The following KCNN4 variants were observed in gnomAD, a reference collection of about 807,000 sequenced individuals.
KCNN4 encodes potassium calcium-activated channel subfamily N member 4.
Under a neutral mutation model 45.2 loss-of-function variants are expected in KCNN4, and 31 were observed. The ratio of observed to expected loss-of-function variants is 0.69; its 90% CI spans 0.52 to 0.92. The LOEUF (loss-of-function observed/expected upper bound fraction) is 0.92, where lower values mean the gene tolerates loss of function less well. Ranked by LOEUF, KCNN4 falls within the 40% of genes least tolerant of loss-of-function variation. The pLI is 0.00. For missense variants in KCNN4, 463 were observed against 574.0 expected (o/e 0.81, Z 1.98); for synonymous variants, 231 against 254.6 (o/e 0.91, Z 0.88).
rs748616913 is a variant in KCNN4, at chr19:43,777,320, TGTGTGG to T, written c.160-690_160-685del. 3.2e-3 allele frequency among the ~76,000 whole-genome samples: 484 copies of T among 149,250 alleles called. 5 individuals are homozygous for T. The highest frequency in any genetic ancestry group is 0.014 in the Middle Eastern group (4 of 294). Reference sequence around the variant, plus strand: ...TCAGGTGTGTGTGTGTGTGTGTGTGTGTGTGGGTGTGTGTGTGTGGTGTCTAGAAAA... The same window carrying T: ...TCAGGTGTGTGTGTGTGTGTGTGTGTGTGTGTGTGTGTGGTGTCTAGAAAA... On this transcript the variant is annotated intron_variant, in intron 1 of 8. Transcript: ENST00000648319.
Position 43,769,129 on chromosome 19 carries a change from A to C in KCNN4, c.1050-97T>G. The C allele has an allele frequency of 7.4e-7, 1 of 1,349,800 alleles. No individual in the cohort carries two copies. The highest frequency in any genetic ancestry group is 1.1e-6 in the Non-Finnish European group (1 of 941,318). The allele number at this position is 1,349,800 out of a possible 1,614,324, so 83.6% of individuals were successfully genotyped here. On this transcript the variant is annotated intron_variant, in intron 6 of 8. Transcript: ENST00000648319. This position sits in a 1 kb window ranked among gnomAD's most constrained non-coding sequence, Gnocchi z 4.4. ...GAAGGGAGGAGAGGCACATGAAGAA[A>C]CAAAACAAAGAAACAAAGTTGTCGA...
Position 43,780,962 on chromosome 19 carries a change from T to C in KCNN4, c.-101A>G. The C allele has an allele frequency of 1.7e-6, 2 of 1,188,724 alleles. No homozygotes were observed. Among genetic ancestry groups the C allele is most frequent in the Admixed American group, 3.8e-5 (2 of 52,352 alleles). The allele number at this position is 1,188,724 out of a possible 1,614,324, so 73.6% of individuals were successfully genotyped here. A position where few individuals can be genotyped will look rare whatever the true frequency, so the allele number is the denominator to read the frequency against. On this transcript the variant is annotated 5_prime_UTR_variant, in exon 1 of 9. Coordinates refer to ENST00000648319, the MANE Select transcript of KCNN4 (RefSeq NM_002250.3). ...TGTGGCTTGCAGGTCGTCAGCCTGCTCTGCTGGCTCTGGGACTTTTGCTCT... is the reference window on the plus strand; with the variant it reads ...TGTGGCTTGCAGGTCGTCAGCCTGCCCTGCTGGCTCTGGGACTTTTGCTCT...
chr19:43,771,175 G>A (rs1969633431), intron 4 of KCNN4, among the ~76,000 whole-genome samples: 1 of 152,134 alleles, frequency 6.6e-6, no homozygotes, highest in South Asian at 2.1e-4. Context: ...GGTCTATGGA[G>A]GGAAGGAGGT....
Position 43,774,289 on chromosome 19 carries a change from C to G in KCNN4, c.586G>C (p.Ala196Pro), listed in dbSNP as rs766533642. 6.2e-7 allele frequency: 1 copy of G among 1,612,326 alleles called. No homozygotes were observed. Among genetic ancestry groups the G allele is most frequent in the Non-Finnish European group, 8.5e-7 (1 of 1,179,250 alleles). ...GGGTGCGTGTTCATGTAAAGCTTGGCCACGAACCAGTGGCGGAAGCGGACT... is the reference window on the plus strand; with the variant it reads ...GGGTGCGTGTTCATGTAAAGCTTGGGCACGAACCAGTGGCGGAAGCGGACT... ...NQVRFRHWFV[A>P]KLYMNTHPGR... The change falls in exon 3 of 9, where the codon GCC (alanine) becomes CCC (proline). Residue 196 changes from alanine to proline, a missense_variant. Physicochemically the swap from Ala to Pro is conservative, Grantham distance 27. Transcript: ENST00000648319. The surrounding 1 kb of genome is among the most constrained non-coding windows in gnomAD (Gnocchi z 5.6).
intron 2 of KCNN4, among the ~76,000 whole-genome samples, chr19:43,776,248 G>A (rs1189890693): frequency 6.6e-6 from 1 of 151,804 alleles, no homozygotes; most frequent in Non-Finnish European, 1.5e-5. Flanking sequence ...GAGTGCCTGG[G>A]AGCAGAGTGG....
intron 3 of KCNN4, among the ~76,000 whole-genome samples, chr19:43,773,634 G>A (rs531464994): frequency 6.6e-6 from 1 of 152,266 alleles, no homozygotes; most frequent in Admixed American, 6.5e-5. Flanking sequence ...TCCCAACCTC[G>A]TTTTTCTCTG....
intron 8 of KCNN4, 67 bp downstream of exon 8, chr19:43,767,473 C>T: frequency 2.6e-6 from 4 of 1,553,254 alleles, no homozygotes; most frequent in Non-Finnish European, 3.5e-6. Flanking sequence ...CCCTTAGCCA[C>T]ATAGGGTGCT....
At chr19:43,773,075 GA>G (rs1218762462) in intron 3 of KCNN4, among the ~76,000 whole-genome samples, 3 of 152,232 alleles carry the variant, frequency 2.0e-5, no homozygotes, top group African/African-American at 7.2e-5. Flanking sequence ...TAGGCAGGAG[GA>G]TCACTTGAAA....
intron 1 of KCNN4, among the ~76,000 whole-genome samples, chr19:43,777,085 A>C (rs1425034148): frequency 6.6e-5 from 10 of 152,228 alleles, no homozygotes. Flanking sequence ...CTCCGTCTCG[A>C]AACAAGCAAG....
chr19:43,770,004 C>T (rs1455576806), intron 4 of KCNN4, among the ~76,000 whole-genome samples, 175 bp from the exon 5 acceptor site: 2 of 152,116 alleles, frequency 1.3e-5, no homozygotes, highest in Non-Finnish European at 2.9e-5. Context: ...TCATAAATCG[C>T]ATACGTCCGA....
intron 7 of KCNN4, 48 bp downstream of exon 7, chr19:43,768,915 C>T (rs1340129865): frequency 3.1e-6 from 5 of 1,597,460 alleles, no homozygotes; most frequent in Non-Finnish European, 4.3e-6. Flanking sequence ...CTCCCTGTGG[C>T]CCCAACCTCC....
chr19:43,776,822 G>T, intron 1 of KCNN4, 186 bp from the exon 2 acceptor site: 1 of 591,940 alleles, frequency 1.7e-6, no homozygotes, highest in Non-Finnish European at 3.1e-6. Flanking sequence ...TCTGGGCCCA[G>T]TGCGGTGGCT....
In KCNN4 at chr19:43,774,457, G is replaced by T. The variant is rs1476113977; in HGVS notation, c.418C>A (p.Pro140Thr). The part of the protein sequence containing the change: ...DLGAPLTSPQ[P>T]WPGFLGQGEA... ...CCTTGGCCCAGGAATCCCGGCCAGG[G>T]CTGCGGGGAGGTCAGCGGCGCCCCT... The change falls in exon 3 of 9, where the codon CCC becomes ACC. Residue 140 changes from proline (P) to threonine (T), a missense_variant. By Grantham distance (38) the Pro-to-Thr change is conservative. Around this residue, in one of 3 missense-constraint regions of KCNN4, gnomAD observed 225 missense variants for 240.9 expected, o/e 0.93. Transcript: ENST00000648319. This position sits in a 1 kb window ranked among gnomAD's most constrained non-coding sequence, Gnocchi z 5.6. 3.8e-6 allele frequency: 6 copies of T among 1,595,042 alleles called. No individual in the cohort carries two copies. In the East Asian group the frequency reaches 1.4e-4, roughly 36 times the overall value.
chr19:43,777,410 T>C (rs670950), intron 1 of KCNN4, among the ~76,000 whole-genome samples: 131,427 of 151,030 alleles, frequency 0.87, 57,625 homozygotes, highest in South Asian at 0.92. Flanking sequence ...CCTGGTGTTG[T>C]CCTAGAAACC....
chr19:43,778,279 A>G (rs886128417), intron 1 of KCNN4, among the ~76,000 whole-genome samples: 32 of 151,396 alleles, frequency 2.1e-4, no homozygotes, highest in Admixed American at 2.0e-3. Flanking sequence ...TTGCTCTGTC[A>G]CCCAGGCTGG....
chr19:43,775,954 C>T (rs757547636), intron 2 of KCNN4, among the ~76,000 whole-genome samples: 43 of 151,762 alleles, frequency 2.8e-4, no homozygotes, highest in Non-Finnish European at 1.0e-4. Flanking sequence ...TAGTGAAACC[C>T]CGTTTCTACT....
intron 2 of KCNN4, among the ~76,000 whole-genome samples, chr19:43,776,327 CT>C (rs1969803036): frequency 6.7e-6 from 1 of 148,828 alleles, no homozygotes; most frequent in African/African-American, 2.5e-5. Context: ...CAAGGGGGGG[CT>C]GGGGACTACA....
rs745485873 is a variant in KCNN4 at position 43,774,218 on chromosome 19, G to T, written c.657C>A (p.Thr219=). 4 of 1,612,590 alleles carry T rather than the reference G, an allele frequency of 2.5e-6. No individual in the cohort carries two copies. The highest frequency in any genetic ancestry group is 3.4e-6 in the Non-Finnish European group (4 of 1,179,118). ...LGLTLGLWLT[T]AWVLSVAERQ... Reference sequence around the variant, plus strand: ...TCTCGGCCACGGACAGCACCCAGGCGGTGGTCAGCCAGAGGCCAAGCGTGA... The same window carrying T: ...TCTCGGCCACGGACAGCACCCAGGCTGTGGTCAGCCAGAGGCCAAGCGTGA... The change falls in exon 3 of 9, where the codon ACC becomes ACA. Residue 219 remains threonine (T), a synonymous_variant. Coordinates refer to ENST00000648319, the MANE Select transcript of KCNN4 (RefSeq NM_002250.3). This position sits in a 1 kb window ranked among gnomAD's most constrained non-coding sequence, Gnocchi z 5.6.
chr19:43,773,826 T>C lies in KCNN4; in HGVS notation c.683+366A>G, dbSNP rs1006331921. Among the ~76,000 whole-genome samples, 4 of 152,112 alleles carry C rather than the reference T, an allele frequency of 2.6e-5. No individual in the cohort carries two copies. The East Asian group carries it at 7.7e-4, about 29-fold the overall frequency. ...TGCTAATTGGGAAAATATGTCTCCT[T>C]CCTCCAAGGCAGAGGCAACCCTTTA... is the stretch of plus-strand genomic sequence containing the variant. On this transcript the variant is annotated intron_variant, in intron 3 of 8. Coordinates refer to ENST00000648319, the MANE Select transcript of KCNN4 (RefSeq NM_002250.3).
Sources: allele counts gnomAD v4.1 joint callset (sites outside exome capture counted in the v4.1 genomes callset), GRCh38; gene constraint gnomAD v4.1.1; regional missense constraint gnomAD v4.1.1; non-coding constraint Gnocchi (gnomAD v3.1); transcripts MANE v1.5; gene names NCBI Gene and HGNC (gene_info 2026-07-23, HGNC 2026-07-21).